The following SERPINF2 variants were observed in gnomAD, a reference collection of about 807,000 sequenced individuals.
SERPINF2 encodes serpin family F member 2.
Under a neutral mutation model 45.0 loss-of-function variants are expected in SERPINF2, and 15 were observed. That is an observed-to-expected ratio of 0.33 (90% confidence interval 0.22 to 0.51). The LOEUF (loss-of-function observed/expected upper bound fraction) is 0.51. Among genes scored for constraint, SERPINF2 ranks in the 20% least tolerant of loss-of-function variants. The pLI is 0.97. For missense variants in SERPINF2, 518 were observed against 637.4 expected (o/e 0.81, Z 2.02); for synonymous variants, 283 against 277.9 (o/e 1.02, Z -0.18).
Position 1,752,663 on chromosome 17 carries a change from G to A in SERPINF2, c.936G>A (p.Gln312=). ...VPTHFEWNVS[Q]VLANLSWDTL... is the part of the protein sequence containing the mutation. ...CCCACTTTGAATGGAACGTGTCCCA[G>A]GTACTGGCCAACCTGAGTTGGGACA... The change falls in exon 9 of 10, where the codon CAG becomes CAA. Residue 312 remains glutamine (Q), a synonymous_variant. Coordinates refer to ENST00000453066, the MANE Select transcript of SERPINF2 (RefSeq NM_000934.4). 1 of 1,614,192 alleles carries A rather than the reference G, an allele frequency of 6.2e-7. No homozygotes were observed. The highest frequency in any genetic ancestry group is 8.5e-7 in the Non-Finnish European group (1 of 1,180,036).
At chr17:1,743,231 C>T (rs543269270) in intron 1 of SERPINF2, among the ~76,000 whole-genome samples, 1 of 152,190 alleles carries the variant, frequency 6.6e-6, no homozygotes, top group Non-Finnish European at 1.5e-5. Flanking sequence ...CAACACCTGC[C>T]CTTCCCAGAG....
rs946537690 is a variant in SERPINF2, at chr17:1,754,366, C to T, written c.1308C>T (p.Pro436=). The part of the protein sequence containing the change: ...LPLFVGSVRN[P]NPSAPRELKE... ...TCTTCGTGGGCAGCGTGAGGAACCC[C>T]AACCCCAGTGCACCGCGGGAGCTCA... The change falls in exon 10 of 10, where the codon CCC becomes CCT. Residue 436 remains proline, a synonymous_variant. Transcript: ENST00000453066. 3.7e-6 allele frequency: 6 copies of T among 1,614,214 alleles called. No homozygotes were observed. The South Asian group carries it at 5.5e-5, about 15-fold the overall frequency.
chr17:1,750,282 T>G (rs929220657), intron 8 of SERPINF2, among the ~76,000 whole-genome samples: 19 of 151,798 alleles, frequency 1.3e-4, no homozygotes, highest in Non-Finnish European at 2.4e-4. Flanking sequence ...CCGAGTAGCT[T>G]GGACTACAGG....
At position 1,745,340 on chromosome 17, in the gene SERPINF2, G is replaced by T; in HGVS notation, c.110G>T (p.Ser37Ile). The T allele has an allele frequency of 6.2e-7, 1 of 1,613,326 alleles. No individual in the cohort carries two copies. The highest frequency in any genetic ancestry group is 8.5e-7 in the Non-Finnish European group (1 of 1,179,974). ...GCTTGCTCCTTTCCGCAGCTAACTA[G>T]CGGGCCGAACCAGGAGCAGGTGTCC... is the stretch of plus-strand genomic sequence containing the variant. ...AMEPLGRQLT[S>I]GPNQEQVSPL... The change falls in exon 4 of 10, where the codon AGC (serine) becomes ATC (isoleucine). Residue 37 changes from serine to isoleucine, a missense_variant. By Grantham distance (142) the Ser-to-Ile change is moderately radical. This residue lies in a region of SERPINF2 where 435 missense variants were observed against 577.3 expected (regional missense o/e 0.75). Coordinates refer to ENST00000453066, the MANE Select transcript of SERPINF2 (RefSeq NM_000934.4). The surrounding 1 kb of genome is among the most constrained non-coding windows in gnomAD (Gnocchi z 6.2).
chr17:1,749,165 C>T (rs1906140343), intron 8 of SERPINF2, among the ~76,000 whole-genome samples: 1 of 152,112 alleles, frequency 6.6e-6, no homozygotes, highest in Admixed American at 6.5e-5. Context: ...CGGTGGCTCA[C>T]GCCTGTAATC....
intron 9 of SERPINF2, among the ~76,000 whole-genome samples, chr17:1,753,554 C>T (rs1418432833): frequency 8.5e-5 from 13 of 152,100 alleles, no homozygotes; most frequent in Non-Finnish European, 2.9e-5. Flanking sequence ...GGCGTGGTGG[C>T]GCATGCCCAT....
In SERPINF2 at chr17:1,748,637, G is replaced by A. The variant is rs980708060; in HGVS notation, c.755G>A (p.Arg252Lys). 3 of 1,614,132 alleles carry A rather than the reference G, an allele frequency of 1.9e-6. No individual in the cohort carries two copies. The highest frequency in any genetic ancestry group is 1.6e-4 in the Middle Eastern group (1 of 6,062). The change falls in exon 8 of 10, where the codon AGA becomes AAA. Residue 252 changes from arginine (R) to lysine (K), a missense_variant. Transcript: ENST00000453066. ...RNKFDPSLTQRDSFHLDEQFT... is the reference protein window; with the variant it reads ...RNKFDPSLTQKDSFHLDEQFT... ...AAGTTTGACCCGAGCCTTACCCAGA[G>A]AGACTCCTTCCACCTGGACGAGCAG... is the stretch of plus-strand genomic sequence containing the variant.
intron 5 of SERPINF2, among the ~76,000 whole-genome samples, chr17:1,746,175 G>C (rs901769313): frequency 1.3e-5 from 2 of 152,042 alleles, no homozygotes; most frequent in African/African-American, 4.8e-5. Flanking sequence ...AAATTTAGCT[G>C]TGCGTGGTGG....
chr17:1,751,768 A>G (rs892895623), intron 8 of SERPINF2, among the ~76,000 whole-genome samples: 1 of 137,642 alleles, frequency 7.3e-6, no homozygotes, highest in African/African-American at 2.5e-5. Context: ...GAAAAGAAAA[A>G]AAAAGAAATC....
At chr17:1,752,196 C>A (rs72822428) in intron 8 of SERPINF2, among the ~76,000 whole-genome samples, 1 of 151,878 alleles carries the variant, frequency 6.6e-6, no homozygotes, top group Non-Finnish European at 1.5e-5. Flanking sequence ...CGATTACAAG[C>A]GCCCGTCACC....
At chr17:1,746,219 G>A (rs1252884109) in intron 5 of SERPINF2, among the ~76,000 whole-genome samples, 1 of 151,924 alleles carries the variant, frequency 6.6e-6, no homozygotes, top group African/African-American at 2.4e-5. Context: ...TCAGGAGGCT[G>A]AGGCAGAGAA....
At chr17:1,749,977 C>CTT (rs57705772) in intron 8 of SERPINF2, among the ~76,000 whole-genome samples, 2 of 144,674 alleles carry the variant, frequency 1.4e-5, no homozygotes, top group Non-Finnish European at 3.0e-5. Flanking sequence ...GGATAAACTT[C>CTT]TTTTTTTTTT....
At chr17:1,749,176 C>T (rs1416727954) in intron 8 of SERPINF2, among the ~76,000 whole-genome samples, 1 of 152,118 alleles carries the variant, frequency 6.6e-6, no homozygotes, top group African/African-American at 2.4e-5. Context: ...GCCTGTAATC[C>T]CAGCACTTTG....
In SERPINF2 at chr17:1,751,372, C is replaced by T. The variant is rs368629437; in HGVS notation, c.859-1214C>T. Among the ~76,000 whole-genome samples, 391 of 140,064 alleles carry T rather than the reference C, an allele frequency of 2.8e-3. 37 individuals are homozygous for T. Among genetic ancestry groups the T allele is most frequent in the South Asian group, 4.6e-3 (20 of 4,358 alleles). 91.9% of individuals were successfully genotyped at this position (140,064 alleles called of 152,430 possible). A position where few individuals can be genotyped will look rare whatever the true frequency, so the allele number is the denominator to read the frequency against. On this transcript the variant is annotated intron_variant, in intron 8 of 9. Coordinates refer to ENST00000453066, the MANE Select transcript of SERPINF2 (RefSeq NM_000934.4). ...GCTGAGGCAGGAGAATCACTTGAACCCGGGTGGCAGAGGTTGCAGTGAGCC... is the reference window on the plus strand; with the variant it reads ...GCTGAGGCAGGAGAATCACTTGAACTCGGGTGGCAGAGGTTGCAGTGAGCC...
At chr17:1,743,990 G>A (rs778426393) in intron 1 of SERPINF2, among the ~76,000 whole-genome samples, 12 of 150,900 alleles carry the variant, frequency 8.0e-5, no homozygotes, top group African/African-American at 1.9e-4. Context: ...TCCGCCTCCC[G>A]GGTTCAAGCA....
chr17:1,750,931 G>A lies in SERPINF2; in HGVS notation c.859-1655G>A, dbSNP rs114406709. ...CCCTTTCCTCCAGGCTGTGTCCTGCGTACTCTTCCTTCATCCTTCGTCTCC... is the reference window on the plus strand; with the variant it reads ...CCCTTTCCTCCAGGCTGTGTCCTGCATACTCTTCCTTCATCCTTCGTCTCC... On this transcript the variant is annotated intron_variant, in intron 8 of 9. Transcript: ENST00000453066. Among the ~76,000 whole-genome samples the A allele has an allele frequency of 8.4e-3, 1,273 of 152,138 alleles. 22 individuals carry two copies. Among genetic ancestry groups the A allele is most frequent in the African/African-American group, 0.029 (1,195 of 41,508 alleles).
At chr17:1,743,430 T>C (rs1905474723) in intron 1 of SERPINF2, among the ~76,000 whole-genome samples, 1 of 152,038 alleles carries the variant, frequency 6.6e-6, no homozygotes, top group African/African-American at 2.4e-5. Flanking sequence ...GAAAGACGGG[T>C]TGGGGCCAGG....
intron 1 of SERPINF2, among the ~76,000 whole-genome samples, chr17:1,743,838 C>G (rs1440376456): frequency 6.6e-6 from 1 of 151,780 alleles, no homozygotes; most frequent in Non-Finnish European, 1.5e-5. Context: ...TGGCCTTGAG[C>G]CAAGCTGACC....
Position 1,747,115 on chromosome 17 carries a change from T to C in SERPINF2, c.464T>C (p.Leu155Pro), listed in dbSNP as rs1202312647. ...CTGCTGAGCCGCCTCTGCCAGGACC[T>C]GGGCCCCGGCGCGTTCCGACTGGCT... ...PHLLSRLCQD[L>P]GPGAFRLAAR... The change falls in exon 6 of 10, where the codon CTG (leucine) becomes CCG (proline). Residue 155 changes from leucine to proline, a missense_variant. Leu to Pro is a moderately conservative substitution (Grantham distance 98, BLOSUM62 -3). Transcript: ENST00000453066. The C allele has an allele frequency of 1.9e-6, 3 of 1,611,504 alleles. No individual in the cohort carries two copies. Among genetic ancestry groups the C allele is most frequent in the African/African-American group, 2.7e-5 (2 of 74,924 alleles).
Sources: gnomAD v4.1 joint callset for allele counts (sites outside exome capture counted in the v4.1 genomes callset) on GRCh38, gnomAD v4.1.1 for gene constraint, gnomAD v4.1.1 regional missense constraint, Gnocchi (gnomAD v3.1) non-coding constraint, MANE v1.5 for transcripts, NCBI Gene and HGNC (gene_info 2026-07-23, HGNC 2026-07-21) for gene names.